Variants in LARGE1 observed in about 807,000 individuals in gnomAD.
LARGE1 encodes xylosyl- and glucuronyltransferase LARGE1.
LARGE1 carries 43 observed loss-of-function variants against 87.6 expected under a neutral mutation model. The observed-to-expected ratio is 0.49, with a 90% CI of 0.38 to 0.63. The LOEUF is 0.63. Among genes scored for constraint, LARGE1 ranks in the 30% least tolerant of loss-of-function variants. The pLI, the probability that LARGE1 is intolerant of heterozygous loss-of-function variation, is 0.00. For synonymous variants in LARGE1, 434 were observed against 394.6 expected (o/e 1.10, Z -1.18); for missense variants, 802 against 1,000.2 (o/e 0.80, Z 2.67).
chr22:33,230,001 GTTCTTT>G lies in LARGE1; in HGVS notation c.1731-63175_1731-63170del, dbSNP rs1281993534. Reference sequence around the variant, plus strand: ...AGTGACATTTTCAAACATTTTCAAAGTTCTTTTTTTTTTTTTTTTTTTTTTTTTTGA... The same window carrying G: ...AGTGACATTTTCAAACATTTTCAAAGTTTTTTTTTTTTTTTTTTTTTTTGA... On this transcript the variant is annotated intron_variant, in intron 11 of 11. Coordinates refer to the LARGE1 transcript ENST00000608642. 4.5e-3 allele frequency among the ~76,000 whole-genome samples: 499 copies of G among 111,660 alleles called. 3 individuals carry two copies. The highest frequency in any genetic ancestry group is 0.014 in the African/African-American group (467 of 32,560). 73.3% of individuals were successfully genotyped at this position (111,660 alleles called of 152,430 possible). A position where few individuals can be genotyped will look rare whatever the true frequency, so the allele number is the denominator to read the frequency against.
chr22:33,151,326 C>G, the LARGE1 span, among the ~76,000 whole-genome samples: 66 of 152,270 alleles, frequency 4.3e-4, no homozygotes, highest in East Asian at 6.9e-3. Context: ...TTGCCTAACT[C>G]ACTGAGTACT....
chr22:33,561,350 A>G (rs937726049), intron 6 of LARGE1, among the ~76,000 whole-genome samples: 1 of 152,210 alleles, frequency 6.6e-6, no homozygotes, highest in Non-Finnish European at 1.5e-5. Flanking sequence ...CCAGTGGCAG[A>G]GTAGTTGGTA....
Position 33,272,615 on chromosome 22 carries a change from A to G in LARGE1, c.*1812T>C, listed in dbSNP as rs112338318. Reference sequence around the variant, plus strand: ...GCTCTGTCTACATATATATTTACATACATACATAAGCCTAGCTAGATCTAT... The same window carrying G: ...GCTCTGTCTACATATATATTTACATGCATACATAAGCCTAGCTAGATCTAT... On this transcript the variant is annotated 3_prime_UTR_variant, in exon 15 of 15. Coordinates refer to ENST00000397394, the MANE Select transcript of LARGE1 (RefSeq NM_133642.5). 8.0e-3 allele frequency among the ~76,000 whole-genome samples: 1,221 copies of G among 152,350 alleles called. 9 individuals are homozygous for G. The highest frequency in any genetic ancestry group is 0.02 in the Middle Eastern group (6 of 294).
intron 6 of LARGE1, among the ~76,000 whole-genome samples, chr22:33,465,192 C>A (rs1332318421): frequency 6.6e-6 from 1 of 152,172 alleles, no homozygotes; most frequent in Non-Finnish European, 1.5e-5. Context: ...GCAAAAGAAG[C>A]AAGTCACAGA....
At chr22:33,646,941 C>CTGGT (rs1442476470) in intron 3 of LARGE1, among the ~76,000 whole-genome samples, 3 of 152,182 alleles carry the variant, frequency 2.0e-5, no homozygotes, top group Non-Finnish European at 4.4e-5. Context: ...GTTGGCCAGG[C>CTGGT]TGGTCTGAAA....
intron 11 of LARGE1, among the ~76,000 whole-genome samples, chr22:33,225,564 C>CT (rs1316287182): frequency 6.6e-6 from 1 of 151,950 alleles, no homozygotes; most frequent in Non-Finnish European, 1.5e-5. Flanking sequence ...TATTTTCTTT[C>CT]TTTTTTTAAA....
At chr22:33,357,302 A>G (rs1601572206) in intron 9 of LARGE1, among the ~76,000 whole-genome samples, 1 of 150,566 alleles carries the variant, frequency 6.6e-6, no homozygotes, top group East Asian at 1.9e-4. Context: ...CTAAATAGTG[A>G]GGGCACATGG....
At chr22:33,436,856 T>C (rs1187394644) in intron 6 of LARGE1, among the ~76,000 whole-genome samples, 1 of 152,156 alleles carries the variant, frequency 6.6e-6, no homozygotes, top group Non-Finnish European at 1.5e-5. Flanking sequence ...AGCTGAGCAA[T>C]TCCAACTCTG....
intron 7 of LARGE1, among the ~76,000 whole-genome samples, chr22:33,386,584 C>G (rs981496046): frequency 3.4e-5 from 5 of 148,908 alleles, no homozygotes; most frequent in African/African-American, 1.2e-4. Flanking sequence ...ACACTCCCAT[C>G]ATGGCTAATT....
intron 11 of LARGE1, among the ~76,000 whole-genome samples, chr22:33,234,860 T>A (rs1013860429): frequency 4.6e-5 from 7 of 151,934 alleles, no homozygotes; most frequent in Admixed American, 4.6e-4. Flanking sequence ...TCTAATAATA[T>A]TAATTGTATT....
At chr22:33,438,449 T>C (rs1202435306) in intron 6 of LARGE1, among the ~76,000 whole-genome samples, 1 of 152,246 alleles carries the variant, frequency 6.6e-6, no homozygotes, top group Non-Finnish European at 1.5e-5. Flanking sequence ...AGTTAACTTA[T>C]GAAAATGAAG....
At chr22:33,721,128 T>C (rs755438655) in intron 2 of LARGE1, among the ~76,000 whole-genome samples, 3 of 152,240 alleles carry the variant, frequency 2.0e-5, no homozygotes, top group Non-Finnish European at 4.4e-5. Context: ...CTGGGCTTTA[T>C]CATTTGCAGC....
At chr22:33,591,467 T>C (rs942363023) in intron 5 of LARGE1, among the ~76,000 whole-genome samples, 1 of 152,196 alleles carries the variant, frequency 6.6e-6, no homozygotes, top group Non-Finnish European at 1.5e-5. Context: ...TTGGCTGACA[T>C]GTCTCTTAAA....
rs969972936 is a variant in LARGE1, at chr22:33,274,296, G to T, written c.*131C>A. On this transcript the variant is annotated 3_prime_UTR_variant, in exon 15 of 15. Coordinates refer to ENST00000397394, the MANE Select transcript of LARGE1 (RefSeq NM_133642.5). ...AGGTCTCTGTAGTGAGGGCAGCTTG[G>T]CTGGGCCAAAGAGATAAATAAAAAC... is the stretch of plus-strand genomic sequence containing the variant. 16 of 952,944 alleles carry T rather than the reference G, an allele frequency of 1.7e-5. No homozygotes were observed. The African/African-American group carries it at 2.6e-4, about 15-fold the overall frequency. The allele number at this position is 952,944 out of a possible 1,614,324, so 59.0% of individuals were successfully genotyped here.
At chr22:33,089,464 C>T in the LARGE1 span, among the ~76,000 whole-genome samples, 90 of 142,438 alleles carry the variant, frequency 6.3e-4, 4 homozygotes, top group Admixed American at 3.2e-3. Context: ...CCTCCTCTTC[C>T]TCTTCTTCTT....
At chr22:33,609,851 A>G (rs898211929) in intron 4 of LARGE1, among the ~76,000 whole-genome samples, 1 of 151,908 alleles carries the variant, frequency 6.6e-6, no homozygotes, top group Non-Finnish European at 1.5e-5. Flanking sequence ...AAAAAAGAGA[A>G]ACTCTTTTTT....
chr22:33,912,776 G>GA (rs5845123), intron 1 of LARGE1, among the ~76,000 whole-genome samples: 73,523 of 137,744 alleles, frequency 0.53, 18,810 homozygotes, highest in East Asian at 0.58. Context: ...GAACAACAAT[G>GA]AAAAAAAAAA....
intron 2 of LARGE1, among the ~76,000 whole-genome samples, chr22:33,664,905 A>G (rs2081225198): frequency 1.3e-5 from 2 of 152,130 alleles, no homozygotes; most frequent in South Asian, 4.1e-4. Flanking sequence ...TGGTTATCAG[A>G]CCACATGTCT....
chr22:33,113,205 C>CT, the LARGE1 span, among the ~76,000 whole-genome samples: 1,434 of 127,362 alleles, frequency 0.011, 16 homozygotes, highest in Middle Eastern at 0.045. Flanking sequence ...ACTTAATTAT[C>CT]TTTTTTTTTT....
Sources: allele counts gnomAD v4.1 joint callset (sites outside exome capture counted in the v4.1 genomes callset), GRCh38; gene constraint gnomAD v4.1.1; transcripts MANE v1.5; gene names NCBI Gene and HGNC (gene_info 2026-07-23, HGNC 2026-07-21).